Variants in PLB1 observed in about 807,000 individuals in gnomAD.
The protein encoded by PLB1 is phospholipase B1, membrane-associated.
A neutral mutation model predicts 227.4 loss-of-function variants in PLB1; 242 were observed. That is an observed-to-expected ratio of 1.06 (90% CI 0.96 to 1.18). The LOEUF (loss-of-function observed/expected upper bound fraction) is 1.18. Ranked by LOEUF, PLB1 falls within the 50% of genes most tolerant of loss-of-function variation. The pLI, the probability that PLB1 is intolerant of heterozygous loss-of-function variation, is 0.00. For missense variants in PLB1, 1,858 were observed against 1,816.3 expected (o/e 1.02, Z -0.42); for synonymous variants, 757 against 682.2 (o/e 1.11, Z -1.71).
intron 19 of PLB1, 131 bp downstream of exon 19, chr2:28,565,484 AGGTTT>A: frequency 1.3e-6 from 1 of 752,438 alleles, no homozygotes; most frequent in South Asian, 2.0e-5. Context: ...ACCAACTTCT[AGGTTT>A]AATTTGAAAA....
At chr2:28,573,512 T>C (rs772992718) in intron 21 of PLB1, among the ~76,000 whole-genome samples, 2 of 152,214 alleles carry the variant, frequency 1.3e-5, no homozygotes, top group Non-Finnish European at 2.9e-5. Flanking sequence ...CTAGTCACAA[T>C]GGACTCTGAT....
intron 29 of PLB1, among the ~76,000 whole-genome samples, chr2:28,590,491 G>A (rs1359954521): frequency 2.0e-5 from 3 of 152,164 alleles, no homozygotes; most frequent in Admixed American, 6.5e-5. Flanking sequence ...AGACCTAGAA[G>A]TATCTCTAGT....
intron 17 of PLB1, among the ~76,000 whole-genome samples, chr2:28,557,240 C>T (rs923109936): frequency 2.6e-5 from 4 of 152,206 alleles, no homozygotes; most frequent in African/African-American, 4.8e-5. Context: ...GTCCCTGTCA[C>T]AGAGTCACTT....
chr2:28,575,356 G>T (rs1678751377), intron 21 of PLB1, among the ~76,000 whole-genome samples: 1 of 152,018 alleles, frequency 6.6e-6, no homozygotes, highest in Admixed American at 6.6e-5. Flanking sequence ...TTTTTGATGG[G>T]ATTATTTGGA....
chr2:28,604,029 C>G lies in PLB1; in HGVS notation c.2838C>G (p.Ala946=). ...ENSQELARLE[A]FSRAYRSSMR... ...CCCAAGAGCTAGCCAGGCTGGAGGC[C>G]TTCAGCCGAGCCTACCGGGTAAGAC... is the stretch of plus-strand genomic sequence containing the variant. Residue 946 remains alanine (A), a synonymous_variant, in exon 40 of 58, where the codon GCC becomes GCG. Coordinates refer to ENST00000327757, the MANE Select transcript of PLB1 (RefSeq NM_153021.5). 6.2e-7 allele frequency: 1 copy of G among 1,614,158 alleles called. No homozygotes were observed. Among genetic ancestry groups the G allele is most frequent in the Non-Finnish European group, 8.5e-7 (1 of 1,179,944 alleles).
chr2:28,590,725 G>A (rs891803992), intron 29 of PLB1, among the ~76,000 whole-genome samples: 1 of 152,056 alleles, frequency 6.6e-6, no homozygotes, highest in Non-Finnish European at 1.5e-5. Flanking sequence ...TTTCTTGCCT[G>A]GGCAGGAAGG....
rs1686399868 is a variant in PLB1 at position 28,617,754 on chromosome 2, G to A, written c.3223G>A (p.Glu1075Lys). Reference sequence around the variant, plus strand: ...CTGGGGCAGTGACTTCCTGTGTACAGAGTGGAAGGCTTCCAATAGTGTTCC... The same window carrying A: ...CTGGGGCAGTGACTTCCTGTGTACAAAGTGGAAGGCTTCCAATAGTGTTCC... ...ENWGSDFLCT[E>K]WKASNSVPTS... Residue 1075 changes from glutamate (E) to lysine (K), a missense_variant, in exon 45 of 58, where the codon GAG (glutamate) becomes AAG (lysine). Physicochemically the swap from Glu to Lys is moderately conservative, Grantham distance 56. Coordinates refer to ENST00000327757, the MANE Select transcript of PLB1 (RefSeq NM_153021.5). 3.1e-6 allele frequency: 5 copies of A among 1,614,068 alleles called. No individual in the cohort carries two copies. Among genetic ancestry groups the A allele is most frequent in the African/African-American group, 1.3e-5 (1 of 74,924 alleles).
chr2:28,509,582 A>T (rs1227835003), intron 1 of PLB1, among the ~76,000 whole-genome samples: 1 of 152,174 alleles, frequency 6.6e-6, no homozygotes, highest in East Asian at 1.9e-4. Flanking sequence ...TCCAACTTGG[A>T]TGACTGATCT....
chr2:28,505,179 T>C (rs1388959778), intron 1 of PLB1, among the ~76,000 whole-genome samples: 2 of 152,192 alleles, frequency 1.3e-5, no homozygotes, highest in Non-Finnish European at 2.9e-5. Context: ...AGAAGCTAGG[T>C]AACTTATCCA....
At chr2:28,601,376 G>T (rs780972520) in intron 37 of PLB1, 44 bp downstream of exon 37, 16 of 1,545,852 alleles carry the variant, frequency 1.0e-5, no homozygotes, top group African/African-American at 2.7e-5. Flanking sequence ...TCCTAACTTT[G>T]CCCAGTAGGC....
chr2:28,543,764 C>T (rs1431346738), intron 14 of PLB1, among the ~76,000 whole-genome samples: 2 of 152,240 alleles, frequency 1.3e-5, no homozygotes, highest in African/African-American at 4.8e-5. Flanking sequence ...GCTCTTTCTG[C>T]AAAATCCAGG....
chr2:28,530,157 C>T (rs568931171), intron 8 of PLB1, among the ~76,000 whole-genome samples: 1 of 152,232 alleles, frequency 6.6e-6, no homozygotes, highest in East Asian at 1.9e-4. Context: ...AATGCTCAGC[C>T]AAAAGGACCC....
At position 28,567,469 on chromosome 2, in the gene PLB1, C is replaced by CTTTTTTTT. The variant is rs57787583; in HGVS notation, c.1324+644_1324+651dup. Among the ~76,000 whole-genome samples, 235 of 108,068 alleles carry CTTTTTTTT rather than the reference C, an allele frequency of 2.2e-3. 13 individuals are homozygous for CTTTTTTTT. The highest frequency in any genetic ancestry group is 8.8e-3 in the African/African-American group (219 of 24,764). 70.9% of individuals were successfully genotyped at this position (108,068 alleles called of 152,430 possible). A position where few individuals can be genotyped will look rare whatever the true frequency, so the allele number is the denominator to read the frequency against. On this transcript the variant is annotated intron_variant, in intron 20 of 57. Coordinates refer to ENST00000327757, the MANE Select transcript of PLB1 (RefSeq NM_153021.5). ...AACCTGCTCGGAATGATTTCTTTCT[C>CTTTTTTTT]TTTTTTTTTTTTTTTTTTTTTGAGA...
At chr2:28,554,431 G>A (rs1007448935) in intron 17 of PLB1, among the ~76,000 whole-genome samples, 2 of 146,212 alleles carry the variant, frequency 1.4e-5, no homozygotes, top group Non-Finnish European at 3.0e-5. Context: ...GGGCTCAAGT[G>A]ATCCTCCTGC....
Position 28,630,622 on chromosome 2 carries a change from C to T in PLB1, c.3855C>T (p.Ser1285=). 3 of 1,613,714 alleles carry T rather than the reference C, an allele frequency of 1.9e-6. No homozygotes were observed. Among genetic ancestry groups the T allele is most frequent in the South Asian group, 2.2e-5 (2 of 90,950 alleles). ...NCTCLRHSQS[S]LEKQELKKVN... is the part of the protein sequence containing the mutation. Reference sequence around the variant, plus strand: ...CTTGCCTCAGACACTCGCAAAGCTCCCTGGAGAAGCAAGAACTGAAGAAAG... The same window carrying T: ...CTTGCCTCAGACACTCGCAAAGCTCTCTGGAGAAGCAAGAACTGAAGAAAG... Residue 1285 remains serine (S), a synonymous_variant, in exon 54 of 58, where the codon TCC becomes TCT. Transcript: ENST00000327757.
intron 1 of PLB1, among the ~76,000 whole-genome samples, chr2:28,514,649 G>A (rs1668640959): frequency 1.3e-5 from 2 of 152,110 alleles, no homozygotes; most frequent in South Asian, 4.1e-4. Context: ...ACCATATGGT[G>A]AGTAAAATCT....
chr2:28,642,553 C>T (rs1690090517), intron 57 of PLB1, among the ~76,000 whole-genome samples: 1 of 152,144 alleles, frequency 6.6e-6, no homozygotes, highest in African/African-American at 2.4e-5. Context: ...TTCTACAGGC[C>T]CCACAGGGCT....
intron 14 of PLB1, among the ~76,000 whole-genome samples, chr2:28,544,891 G>C (rs1009307084): frequency 4.6e-5 from 7 of 152,164 alleles, no homozygotes; most frequent in African/African-American, 1.7e-4. Context: ...AGGAGCCCTT[G>C]AGCACCAGAC....
intron 33 of PLB1, chr2:28,595,112 T>G (rs1682689069): frequency 6.6e-6 from 1 of 152,198 alleles, no homozygotes; most frequent in Non-Finnish European, 1.5e-5. Flanking sequence ...GCTGGGCTCC[T>G]GGGATTCAGA....
Sources: gnomAD v4.1 joint callset for allele counts (sites outside exome capture counted in the v4.1 genomes callset) on GRCh38, gnomAD v4.1.1 for gene constraint, MANE v1.5 for transcripts, NCBI Gene and HGNC (gene_info 2026-07-23, HGNC 2026-07-21) for gene names.